Variants in ST7 observed in about 807,000 individuals in gnomAD.
ST7 encodes suppressor of tumorigenicity 7 protein.
In ST7, 28 loss-of-function variants were observed where a neutral mutation model predicts 78.7. The ratio of observed to expected loss-of-function variants is 0.36; its 90% CI spans 0.26 to 0.49. ST7 has a LOEUF of 0.49. Ranked by LOEUF, ST7 falls within the 20% of genes least tolerant of loss-of-function variation. The probability of loss-of-function intolerance (pLI) is 0.99; values close to 1 mark genes in which losing one functional copy is unlikely to be tolerated. For synonymous variants in ST7, 247 were observed against 249.6 expected (o/e 0.99, Z 0.10); for missense variants, 418 against 696.0 (o/e 0.60, Z 4.49).
intron 2 of ST7, among the ~76,000 whole-genome samples, chr7:117,106,842 G>A (rs933638089): frequency 2.6e-5 from 4 of 151,786 alleles, no homozygotes; most frequent in African/African-American, 7.3e-5. Context: ...GGATGGTCTC[G>A]ATCTCCTGAC....
At chr7:117,221,621 A>G (rs927428409) in intron 14 of ST7, among the ~76,000 whole-genome samples, 1 of 152,118 alleles carries the variant, frequency 6.6e-6, no homozygotes, top group African/African-American at 2.4e-5. Context: ...TTGAGAAAAA[A>G]ATACTATACA....
At chr7:116,984,294 T>G (rs1477952491) in intron 1 of ST7, among the ~76,000 whole-genome samples, 1 of 152,208 alleles carries the variant, frequency 6.6e-6, no homozygotes, top group Non-Finnish European at 1.5e-5. Context: ...ATAAATTCCT[T>G]TTCTTTATAA....
At chr7:117,053,993 A>G (rs1171984197) in intron 1 of ST7, among the ~76,000 whole-genome samples, 1 of 151,970 alleles carries the variant, frequency 6.6e-6, no homozygotes, top group African/African-American at 2.4e-5. Flanking sequence ...ATGCTCCACC[A>G]GGCCTGGCTA....
chr7:117,034,992 A>T (rs931433562), intron 1 of ST7, among the ~76,000 whole-genome samples: 3 of 152,188 alleles, frequency 2.0e-5, no homozygotes, highest in Non-Finnish European at 2.9e-5. Context: ...GCTACCCTCC[A>T]AGACTTATGC....
chr7:117,112,276 A>G (rs1802492851), intron 2 of ST7: 1 of 152,230 alleles, frequency 6.6e-6, no homozygotes, highest in Non-Finnish European at 1.5e-5. Context: ...GCAGATGACG[A>G]TTGAATAGGA....
chr7:117,106,244 C>T (rs1379045191), intron 2 of ST7, among the ~76,000 whole-genome samples: 4 of 151,644 alleles, frequency 2.6e-5, no homozygotes, highest in East Asian at 1.9e-4. Context: ...AAGATCCACC[C>T]GCCTCGGCCT....
intron 15 of ST7, among the ~76,000 whole-genome samples, chr7:117,224,491 A>T (rs1297659625): frequency 6.6e-6 from 1 of 152,232 alleles, no homozygotes; most frequent in African/African-American, 2.4e-5. Flanking sequence ...AGTGTGACTT[A>T]GTAAAATTTA....
intron 1 of ST7, among the ~76,000 whole-genome samples, chr7:117,063,988 G>T (rs1798495106): frequency 6.6e-6 from 1 of 151,758 alleles, no homozygotes; most frequent in Non-Finnish European, 1.5e-5. Flanking sequence ...TTCTATTTAG[G>T]GAAATAATTA....
At chr7:117,130,302 T>C (rs1804240036) in intron 4 of ST7, among the ~76,000 whole-genome samples, 189 bp from the exon 5 acceptor site, 2 of 151,894 alleles carry the variant, frequency 1.3e-5, no homozygotes, top group Non-Finnish European at 2.9e-5. Context: ...AGAAAATGTT[T>C]ATTTCTTTTG....
intron 1 of ST7, among the ~76,000 whole-genome samples, chr7:117,009,594 T>C (rs1001285321): frequency 6.6e-6 from 1 of 152,186 alleles, no homozygotes; most frequent in Non-Finnish European, 1.5e-5. Flanking sequence ...AGGACGAAAA[T>C]CTTAATCTTT....
rs540476918 is a variant in ST7, at chr7:117,128,353, G to C, written c.395-1440G>C. ...GGTGTTAGTGATTCCTCTAAGGGGA[G>C]AAAAAATAATTACAGGAAGCATAAT... is the stretch of plus-strand genomic sequence containing the variant. On this transcript the variant is annotated intron_variant, in intron 3 of 15. Coordinates refer to ENST00000323984, the MANE Select transcript of ST7 (RefSeq NM_001369598.1). 5 of 151,840 alleles carry C rather than the reference G, an allele frequency of 3.3e-5. No individual in the cohort carries two copies. The South Asian group carries it at 1.0e-3, about 32-fold the overall frequency. The allele number at this position is 151,840 out of a possible 1,614,324, so 9.4% of individuals were successfully genotyped here.
chr7:116,978,237 C>T (rs1425126647), intron 1 of ST7, among the ~76,000 whole-genome samples: 1 of 152,176 alleles, frequency 6.6e-6, no homozygotes, highest in Non-Finnish European at 1.5e-5. Context: ...GTCTCTCTTA[C>T]CAGATAAGAA....
intron 1 of ST7, among the ~76,000 whole-genome samples, chr7:117,084,367 G>A (rs551160496): frequency 6.6e-6 from 1 of 152,216 alleles, no homozygotes; most frequent in Admixed American, 6.5e-5. Context: ...GACCACTGAG[G>A]GCAACACAGA....
At chr7:117,133,621 A>T (rs1012935876) in intron 6 of ST7, among the ~76,000 whole-genome samples, 5 of 151,542 alleles carry the variant, frequency 3.3e-5, no homozygotes, top group Non-Finnish European at 5.9e-5. Flanking sequence ...ATAGGGCCTT[A>T]AATATAATTT....
chr7:117,060,319 C>T (rs1386177162), intron 1 of ST7, among the ~76,000 whole-genome samples: 1 of 152,042 alleles, frequency 6.6e-6, no homozygotes, highest in East Asian at 1.9e-4. Flanking sequence ...GTGGAGAAGG[C>T]AAGCAGAATA....
intron 15 of ST7, 70 bp downstream of exon 15, chr7:117,222,132 G>A: frequency 6.6e-7 from 1 of 1,508,830 alleles, no homozygotes; most frequent in Non-Finnish European, 8.8e-7. Flanking sequence ...AGCAGCGTGA[G>A]AGAAATGGGG....
intron 1 of ST7, among the ~76,000 whole-genome samples, chr7:116,978,242 TAAGAAAG>T (rs1211799371): frequency 6.6e-6 from 1 of 152,204 alleles, no homozygotes; most frequent in Non-Finnish European, 1.5e-5. Context: ...TCTTACCAGA[TAAGAAAG>T]AAGTTGCTTC....
intron 9 of ST7, among the ~76,000 whole-genome samples, chr7:117,157,854 G>C (rs543816342): frequency 6.6e-6 from 1 of 152,110 alleles, no homozygotes; most frequent in Non-Finnish European, 1.5e-5. Context: ...CAAATTGCTC[G>C]GGTTTGTTCA....
chr7:117,032,894 C>T (rs1796675748), intron 1 of ST7, among the ~76,000 whole-genome samples: 2 of 152,248 alleles, frequency 1.3e-5, no homozygotes, highest in Non-Finnish European at 2.9e-5. Flanking sequence ...AAGTTAGTTC[C>T]AGGCAGGCCT....
Sources: gnomAD v4.1 joint callset for allele counts (sites outside exome capture counted in the v4.1 genomes callset) on GRCh38, gnomAD v4.1.1 for gene constraint, MANE v1.5 for transcripts, NCBI Gene and HGNC (gene_info 2026-07-23, HGNC 2026-07-21) for gene names.